Variants in CADM2 observed in about 807,000 individuals in gnomAD.
The protein encoded by CADM2 is immunoglobulin superfamily member 4D.
CADM2 carries 12 observed loss-of-function variants against 49.8 expected under a neutral mutation model. The ratio of observed to expected loss-of-function variants is 0.24; its 90% CI spans 0.15 to 0.39. CADM2 has a LOEUF of 0.39. Ranked by LOEUF, CADM2 falls within the 10% of genes least tolerant of loss-of-function variation. CADM2 has a pLI of 1.00. For missense variants in CADM2, 378 were observed against 492.3 expected (o/e 0.77, Z 2.20); for synonymous variants, 214 against 175.4 (o/e 1.22, Z -1.74).
At chr3:86,011,594 GA>G (rs1303863152) in intron 8 of CADM2, among the ~76,000 whole-genome samples, 1 of 152,004 alleles carries the variant, frequency 6.6e-6, no homozygotes, top group Non-Finnish European at 1.5e-5. Flanking sequence ...AGAAGAGAAG[GA>G]AGAGTCAGAA....
intron 8 of CADM2, among the ~76,000 whole-genome samples, chr3:86,023,363 T>G (rs1363225454): frequency 1.1e-5 from 1 of 88,842 alleles, no homozygotes; most frequent in Non-Finnish European, 1.9e-5. Flanking sequence ...TTTGTTTGTT[T>G]GTTTGTTTGT....
At chr3:85,392,989 T>A (rs559911129) in intron 1 of CADM2, among the ~76,000 whole-genome samples, 1 of 151,870 alleles carries the variant, frequency 6.6e-6, no homozygotes, top group East Asian at 1.9e-4. Flanking sequence ...CAAATACAGT[T>A]TTCATCAACT....
chr3:85,317,075 T>C (rs936162808), intron 1 of CADM2, among the ~76,000 whole-genome samples: 1 of 152,142 alleles, frequency 6.6e-6, no homozygotes, highest in Non-Finnish European at 1.5e-5. Context: ...AGAAATACAC[T>C]GTGGTCATAA....
At chr3:85,063,242 C>T (rs1241614712) in intron 1 of CADM2, among the ~76,000 whole-genome samples, 3 of 151,838 alleles carry the variant, frequency 2.0e-5, no homozygotes, top group Non-Finnish European at 4.4e-5. Flanking sequence ...CTTCAATCTG[C>T]TTTTGATGGA....
At chr3:85,983,985 A>G (rs1254296134) in intron 8 of CADM2, among the ~76,000 whole-genome samples, 3 of 150,432 alleles carry the variant, frequency 2.0e-5, no homozygotes, top group Non-Finnish European at 4.4e-5. Context: ...AATTCAGATT[A>G]TATATATACA....
intron 1 of CADM2, among the ~76,000 whole-genome samples, chr3:85,257,467 G>A (rs907022530): frequency 4.6e-5 from 7 of 152,032 alleles, no homozygotes; most frequent in African/African-American, 1.7e-4. Flanking sequence ...GATGAAAACA[G>A]ATAAATCTCA....
chr3:85,280,360 C>T (rs1190265421), intron 1 of CADM2, among the ~76,000 whole-genome samples: 2 of 151,250 alleles, frequency 1.3e-5, no homozygotes, highest in South Asian at 2.1e-4. Context: ...TTTCTCATAA[C>T]TTGCATCTGT....
chr3:85,820,278 T>G (rs574144386), intron 3 of CADM2, among the ~76,000 whole-genome samples: 50 of 152,162 alleles, frequency 3.3e-4, no homozygotes, highest in Non-Finnish European at 3.1e-4. Flanking sequence ...CAGAGAGTGT[T>G]GATCATGGGA....
chr3:85,919,538 A>C (rs1427822290), intron 6 of CADM2, among the ~76,000 whole-genome samples: 1 of 151,942 alleles, frequency 6.6e-6, no homozygotes, highest in Non-Finnish European at 1.5e-5. Context: ...AATTGTTACT[A>C]AAATTATATC....
intron 1 of CADM2, among the ~76,000 whole-genome samples, chr3:85,252,016 T>C (rs2042788037): frequency 6.6e-6 from 1 of 151,986 alleles, no homozygotes; most frequent in South Asian, 2.1e-4. Flanking sequence ...GTTAGCATTT[T>C]CAATTCCCTT....
intron 1 of CADM2, among the ~76,000 whole-genome samples, chr3:85,128,953 A>T (rs2039131760): frequency 6.6e-6 from 1 of 152,228 alleles, no homozygotes; most frequent in African/African-American, 2.4e-5. Flanking sequence ...TGAGAGTTAA[A>T]AATAGATATA....
chr3:85,899,776 G>A (rs1715845466), intron 5 of CADM2, among the ~76,000 whole-genome samples: 1 of 152,126 alleles, frequency 6.6e-6, no homozygotes, highest in Non-Finnish European at 1.5e-5. Flanking sequence ...TCTGGCTGAT[G>A]GTAATAGGCA....
chr3:85,474,698 G>C (rs2107615505), intron 1 of CADM2, among the ~76,000 whole-genome samples: 1 of 151,998 alleles, frequency 6.6e-6, no homozygotes, highest in Non-Finnish European at 1.5e-5. Context: ...GATTGTGTGA[G>C]TGTGTGTGTG....
intron 1 of CADM2, among the ~76,000 whole-genome samples, chr3:85,638,464 T>A (rs2064588259): frequency 6.6e-6 from 1 of 152,122 alleles, no homozygotes. Flanking sequence ...AAAGTTATGA[T>A]TTTTAGAACA....
intron 1 of CADM2, among the ~76,000 whole-genome samples, chr3:85,286,767 A>G (rs2043643364): frequency 1.3e-5 from 2 of 152,166 alleles, no homozygotes; most frequent in Non-Finnish European, 2.9e-5. Flanking sequence ...TTAATATTGC[A>G]TCCTATTTTT....
At chr3:85,547,079 T>C (rs1346567869) in intron 1 of CADM2, among the ~76,000 whole-genome samples, 2 of 135,930 alleles carry the variant, frequency 1.5e-5, no homozygotes, top group Non-Finnish European at 3.3e-5. Flanking sequence ...ATGTTGAATT[T>C]ATACTATTTT....
At chr3:85,142,244 C>T (rs906103104) in intron 1 of CADM2, among the ~76,000 whole-genome samples, 22 of 152,172 alleles carry the variant, frequency 1.4e-4, no homozygotes, top group Admixed American at 2.0e-4. Flanking sequence ...ATAAGCTTAT[C>T]TTCTCTCTTG....
intron 6 of CADM2, among the ~76,000 whole-genome samples, chr3:85,917,724 T>A (rs1189163997): frequency 6.6e-6 from 1 of 152,160 alleles, no homozygotes; most frequent in Non-Finnish European, 1.5e-5. Context: ...GGTAGCTTGA[T>A]GGGGATGGCA....
chr3:85,534,838 A>G (rs2106984593), intron 1 of CADM2, among the ~76,000 whole-genome samples: 1 of 152,218 alleles, frequency 6.6e-6, no homozygotes, highest in East Asian at 1.9e-4. Context: ...GCTAGCCTTA[A>G]GTGCTTTTTC....
Sources: gnomAD v4.1 joint callset for allele counts (sites outside exome capture counted in the v4.1 genomes callset) on GRCh38, gnomAD v4.1.1 for gene constraint, MANE v1.5 for transcripts, NCBI Gene and HGNC (gene_info 2026-07-23, HGNC 2026-07-21) for gene names.